Variants in ITGB6 observed in about 807,000 individuals in gnomAD.
The protein encoded by ITGB6 is integrin beta-6.
A neutral mutation model predicts 84.5 loss-of-function variants in ITGB6; 80 were observed. The ratio of observed to expected loss-of-function variants is 0.95; its 90% CI spans 0.79 to 1.14. The LOEUF is 1.14. Among genes scored for constraint, ITGB6 ranks in the 50% most tolerant of loss-of-function variants. The pLI, the probability that ITGB6 is intolerant of heterozygous loss-of-function variation, is 0.00. For missense variants in ITGB6, 1,006 were observed against 968.0 expected, an observed-to-expected ratio of 1.04 and a Z score of -0.52; for synonymous variants, 383 against 354.9, an observed-to-expected ratio of 1.08 and a Z score of -0.89.
chr2:160,174,099 G>T lies in ITGB6; in HGVS notation c.634C>A (p.His212Asn), dbSNP rs1203036584. The T allele has an allele frequency of 6.2e-7, 1 of 1,611,522 alleles. No individual in the cohort carries two copies. The highest frequency in any genetic ancestry group is 1.7e-5 in the Admixed American group (1 of 59,438). ...YFCLPTFGFK[H>N]ILPLTNDAER... ...GCATCATTTGTCAATGGCAAAATGT[G>T]CTTGAATCCAAATGTAGGTAAACAG... is the stretch of plus-strand genomic sequence containing the variant. Residue 212 changes from histidine to asparagine, a missense_variant, in exon 5 of 15, where the codon CAC (histidine) becomes AAC (asparagine). His to Asn is a moderately conservative substitution (Grantham distance 68, BLOSUM62 1). Transcript: ENST00000283249.
chr2:160,111,187 G>A (rs1027959673), intron 13 of ITGB6, among the ~76,000 whole-genome samples: 1 of 151,834 alleles, frequency 6.6e-6, no homozygotes, highest in Non-Finnish European at 1.5e-5. Flanking sequence ...TTAAAAGCAG[G>A]ACTTATTCTG....
chr2:160,112,380 C>T (rs1019066337), intron 12 of ITGB6, among the ~76,000 whole-genome samples, 181 bp from the exon 13 acceptor site: 2 of 151,708 alleles, frequency 1.3e-5, no homozygotes, highest in Non-Finnish European at 2.9e-5. Flanking sequence ...ACTCACGTTC[C>T]AGAAGAACAG....
chr2:160,141,903 C>T, intron 8 of ITGB6, 79 bp downstream of exon 8: 6 of 880,270 alleles, frequency 6.8e-6, no homozygotes, highest in South Asian at 3.1e-5. Context: ...AAGTAACTAA[C>T]ATTTAACTGC....
chr2:160,138,393 A>G (rs1016035577), intron 8 of ITGB6, among the ~76,000 whole-genome samples, 194 bp from the exon 9 acceptor site: 1 of 152,242 alleles, frequency 6.6e-6, no homozygotes, highest in African/African-American at 2.4e-5. Flanking sequence ...ATCAAATCTA[A>G]GGTGCCAACA....
At chr2:160,140,940 A>T (rs1160313877) in intron 8 of ITGB6, among the ~76,000 whole-genome samples, 1 of 152,150 alleles carries the variant, frequency 6.6e-6, no homozygotes, top group East Asian at 1.9e-4. Flanking sequence ...ATTTCCCCTG[A>T]AGTCCTTCAA....
chr2:160,151,644 C>T (rs1325920095), intron 7 of ITGB6, among the ~76,000 whole-genome samples: 3 of 151,522 alleles, frequency 2.0e-5, no homozygotes, highest in African/African-American at 7.3e-5. Flanking sequence ...TTCAAAAAGT[C>T]GATGAATCTA....
chr2:160,117,467 G>A (rs988517672), intron 12 of ITGB6, among the ~76,000 whole-genome samples: 1 of 152,144 alleles, frequency 6.6e-6, no homozygotes, highest in African/African-American at 2.4e-5. Context: ...TGAAACCAGC[G>A]AGAACAAAGA....
chr2:160,101,955 T>C, intron 14 of ITGB6, 121 bp from the exon 15 acceptor site: 1 of 624,390 alleles, frequency 1.6e-6, no homozygotes, highest in Non-Finnish European at 2.8e-6. Context: ...TAGAACAATT[T>C]TGATTAATTT....
At chr2:160,167,645 G>A (rs1193519249) in intron 7 of ITGB6, among the ~76,000 whole-genome samples, 3 of 152,156 alleles carry the variant, frequency 2.0e-5, no homozygotes, top group South Asian at 2.1e-4. Context: ...CCCTTGCAAC[G>A]GGGGAATCAT....
At chr2:160,129,899 C>T (rs940969431) in intron 10 of ITGB6, among the ~76,000 whole-genome samples, 1 of 151,512 alleles carries the variant, frequency 6.6e-6, no homozygotes, top group African/African-American at 2.4e-5. Context: ...TATGTGTGTG[C>T]ATATATGTAT....
At chr2:160,183,931 T>C (rs1385093756) in intron 4 of ITGB6, among the ~76,000 whole-genome samples, 2 of 152,110 alleles carry the variant, frequency 1.3e-5, no homozygotes, top group African/African-American at 4.8e-5. Flanking sequence ...TTGAAACCAA[T>C]GAGAACAAAG....
Position 160,112,110 on chromosome 2 carries a change from TC to T in ITGB6, c.2070del (p.Thr692ProfsTer19). 3.7e-6 allele frequency: 6 copies of T among 1,612,986 alleles called. No homozygotes were observed. Among genetic ancestry groups the T allele is most frequent in the Non-Finnish European group, 5.1e-6 (6 of 1,179,426 alleles). ...TCATTGATGCTGTGAATGATGGTTT[TC>T]CCCTCATTATCTGTAGTTATTAGGA... The part of the protein sequence containing the change: ...ITFLITTDNE[G>X]KTIIHSINEK... On this transcript the variant is annotated frameshift_variant, in exon 13 of 15. Coordinates refer to ENST00000283249, the MANE Select transcript of ITGB6 (RefSeq NM_000888.5). LOFTEE classifies it high-confidence loss of function.
intron 8 of ITGB6, among the ~76,000 whole-genome samples, chr2:160,140,863 T>G (rs2105823410): frequency 6.6e-6 from 1 of 152,350 alleles, no homozygotes; most frequent in South Asian, 2.1e-4. Context: ...CAGGGGAGTT[T>G]CAAAATTGGT....
At chr2:160,148,587 T>C (rs888436453) in intron 7 of ITGB6, among the ~76,000 whole-genome samples, 11 of 152,146 alleles carry the variant, frequency 7.2e-5, no homozygotes, top group South Asian at 2.1e-4. Flanking sequence ...CTTCATCTCA[T>C]TGGGACTGGC....
chr2:160,124,466 C>G (rs945631665), intron 11 of ITGB6, among the ~76,000 whole-genome samples: 1 of 152,186 alleles, frequency 6.6e-6, no homozygotes, highest in Non-Finnish European at 1.5e-5. Flanking sequence ...CTCATTAATA[C>G]AGGCTTTTAA....
intron 6 of ITGB6, among the ~76,000 whole-genome samples, chr2:160,169,968 A>T (rs1574113687): frequency 6.6e-6 from 1 of 152,318 alleles, no homozygotes; most frequent in East Asian, 1.9e-4. Context: ...AAAATAAAAG[A>T]AGCTTAATTT....
intron 10 of ITGB6, among the ~76,000 whole-genome samples, chr2:160,131,204 T>C (rs1489894536): frequency 1.1e-4 from 2 of 17,408 alleles, no homozygotes; most frequent in Non-Finnish European, 2.9e-4. Context: ...ACAATAACTG[T>C]TAAGTGCATA....
At chr2:160,110,880 C>T (rs1272046026) in intron 13 of ITGB6, among the ~76,000 whole-genome samples, 1 of 152,150 alleles carries the variant, frequency 6.6e-6, no homozygotes, top group Admixed American at 6.5e-5. Context: ...CCCAACCATG[C>T]GGACATTTGT....
chr2:160,180,133 C>CAAA (rs967847130), intron 4 of ITGB6, among the ~76,000 whole-genome samples: 5 of 135,194 alleles, frequency 3.7e-5, no homozygotes, highest in East Asian at 5.1e-4. Context: ...AAAAAACAAA[C>CAAA]AAAAAAAACA....
Sources: allele counts gnomAD v4.1 joint callset (sites outside exome capture counted in the v4.1 genomes callset), GRCh38; gene constraint gnomAD v4.1.1; transcripts MANE v1.5; gene names NCBI Gene and HGNC (gene_info 2026-07-23, HGNC 2026-07-21).